Variants in WWC1 observed in about 807,000 individuals in gnomAD.
WWC1 encodes the protein WW and C2 domain containing 1.
WWC1 carries 55 observed loss-of-function variants against 138.4 expected under a neutral mutation model. That is an observed-to-expected ratio of 0.40 (90% CI 0.32 to 0.50). WWC1 has a LOEUF of 0.50. WWC1 is among the 20% of genes least tolerant of loss of function. WWC1 has a pLI of 0.72. For missense variants in WWC1, 1,226 were observed against 1,420.4 expected (o/e 0.86, Z 2.20); for synonymous variants, 524 against 564.9 (o/e 0.93, Z 1.03).
At chr5:168,435,447 G>A (rs1187041638) in intron 15 of WWC1, among the ~76,000 whole-genome samples, 1 of 152,120 alleles carries the variant, frequency 6.6e-6, no homozygotes, top group Admixed American at 6.5e-5. Flanking sequence ...ATCTTGCTTT[G>A]TTGCCCAGGC....
chr5:168,431,476 G>A, intron 15 of WWC1, 32 bp downstream of exon 15: 1 of 1,525,636 alleles, frequency 6.6e-7, no homozygotes. Flanking sequence ...CTGGCTGGCT[G>A]GCTGGCTGGC....
intron 13 of WWC1, among the ~76,000 whole-genome samples, chr5:168,429,617 G>C (rs551851949): frequency 3.1e-4 from 47 of 152,102 alleles, no homozygotes; most frequent in Non-Finnish European, 6.2e-4. Context: ...AATTTCACCC[G>C]CATTTATGGG....
intron 15 of WWC1, among the ~76,000 whole-genome samples, chr5:168,436,954 C>T (rs1035999775): frequency 1.3e-5 from 2 of 152,218 alleles, no homozygotes; most frequent in Non-Finnish European, 2.9e-5. Flanking sequence ...GCATATGTCT[C>T]CACCTAGAGT....
chr5:168,440,249 A>G (rs1009839027), intron 15 of WWC1, among the ~76,000 whole-genome samples: 2 of 152,326 alleles, frequency 1.3e-5, no homozygotes, highest in South Asian at 2.1e-4. Flanking sequence ...CAAAACCACA[A>G]TGAGATACCA....
At chr5:168,384,310 A>G (rs2152818230) in intron 2 of WWC1, among the ~76,000 whole-genome samples, 1 of 152,352 alleles carries the variant, frequency 6.6e-6, no homozygotes, top group Non-Finnish European at 1.5e-5. Context: ...AACAGCACTT[A>G]TCATAGAATC....
At chr5:168,448,189 C>T (rs747359602) in intron 17 of WWC1, among the ~76,000 whole-genome samples, 1 of 152,160 alleles carries the variant, frequency 6.6e-6, no homozygotes, top group East Asian at 1.9e-4. Context: ...GCCCCCTCCC[C>T]CAAGACTGGA....
At position 168,406,226 on chromosome 5, in the gene WWC1, G is replaced by A; in HGVS notation, c.619G>A (p.Gly207Ser). 1 of 1,613,972 alleles carries A rather than the reference G, an allele frequency of 6.2e-7. No individual in the cohort carries two copies. Among genetic ancestry groups the A allele is most frequent in the Non-Finnish European group, 8.5e-7 (1 of 1,179,928 alleles). The change falls in exon 6 of 23, where the codon GGC (glycine) becomes AGC (serine). Residue 207 changes from glycine to serine, a missense_variant. Transcript: ENST00000265293. Reference protein sequence around the residue: ...KIDKKMSDAQGSYKLDEAQAV... With the variant: ...KIDKKMSDAQSSYKLDEAQAV... ...CGATAAGAAAATGTCTGATGCTCAGGGCAGCTACAAACTGGATGAAGCTCA... is the reference window on the plus strand; with the variant it reads ...CGATAAGAAAATGTCTGATGCTCAGAGCAGCTACAAACTGGATGAAGCTCA...
intron 3 of WWC1, among the ~76,000 whole-genome samples, chr5:168,385,675 G>A (rs1777989613): frequency 6.6e-6 from 1 of 152,050 alleles, no homozygotes; most frequent in South Asian, 2.1e-4. Context: ...AAGCTTTCAG[G>A]GACTAGGGGA....
chr5:168,376,691 C>CA (rs34061163), intron 2 of WWC1, among the ~76,000 whole-genome samples: 24 of 149,680 alleles, frequency 1.6e-4, no homozygotes, highest in East Asian at 5.9e-4. Context: ...TAGCCACACA[C>CA]AAAAAAAAAA....
At chr5:168,311,527 G>A (rs969711827) in intron 1 of WWC1, among the ~76,000 whole-genome samples, 1 of 152,146 alleles carries the variant, frequency 6.6e-6, no homozygotes, top group Non-Finnish European at 1.5e-5. Flanking sequence ...CCCTCGGCAA[G>A]CTGCTTAATC....
At position 168,424,038 on chromosome 5, in the gene WWC1, C is replaced by T. The variant is rs1781328822; in HGVS notation, c.1780C>T (p.Pro594Ser). The change falls in exon 11 of 23, where the codon CCA (proline) becomes TCA (serine). Residue 594 changes from proline to serine, a missense_variant. Physicochemically the swap from Pro to Ser is moderately conservative, Grantham distance 74 (BLOSUM62 -1). Around this residue, in one of 3 missense-constraint regions of WWC1, gnomAD observed 1,016 missense variants for 1,153.9 expected, o/e 0.88. Coordinates refer to ENST00000265293, the MANE Select transcript of WWC1 (RefSeq NM_015238.3). Reference sequence around the variant, plus strand: ...CCAGGAAAGATACCGGCTGGAGGAACCAGGAACGGAGGGCAAGCAGCTGGG... The same window carrying T: ...CCAGGAAAGATACCGGCTGGAGGAATCAGGAACGGAGGGCAAGCAGCTGGG... ...SAQERYRLEE[P>S]GTEGKQLGQA... 1.2e-6 allele frequency: 2 copies of T among 1,608,856 alleles called. No individual in the cohort carries two copies. The highest frequency in any genetic ancestry group is 1.7e-6 in the Non-Finnish European group (2 of 1,177,454).
chr5:168,371,573 A>G (rs376220622), intron 2 of WWC1, 40 bp downstream of exon 2: 8 of 1,484,556 alleles, frequency 5.4e-6, no homozygotes, highest in Admixed American at 3.4e-5. Flanking sequence ...TGCCCTCTTC[A>G]TCCCTCCACC....
At chr5:168,418,968 T>G (rs1029302353) in intron 9 of WWC1, among the ~76,000 whole-genome samples, 2 of 152,158 alleles carry the variant, frequency 1.3e-5, no homozygotes, top group Non-Finnish European at 2.9e-5. Flanking sequence ...CCAAGAACCA[T>G]GCCAAGGCCA....
intron 14 of WWC1, among the ~76,000 whole-genome samples, chr5:168,430,979 C>T (rs1300906706): frequency 6.6e-6 from 1 of 152,202 alleles, no homozygotes; most frequent in Non-Finnish European, 1.5e-5. Context: ...GGCTGAATAG[C>T]CTCCTCCATA....
intron 1 of WWC1, among the ~76,000 whole-genome samples, chr5:168,366,935 T>C (rs1487756286): frequency 1.8e-4 from 26 of 148,522 alleles, no homozygotes; most frequent in Admixed American, 8.8e-4. Context: ...GTAGCTGGGA[T>C]TACAAGTGCC....
At chr5:168,309,714 C>T (rs980283287) in intron 1 of WWC1, among the ~76,000 whole-genome samples, 8 of 152,220 alleles carry the variant, frequency 5.3e-5, no homozygotes, top group African/African-American at 1.9e-4. Context: ...AAAATAGACA[C>T]CTCTCCCTCT....
At chr5:168,340,664 CTTCATTGCTT>C (rs1285947205) in intron 1 of WWC1, among the ~76,000 whole-genome samples, 2 of 152,220 alleles carry the variant, frequency 1.3e-5, no homozygotes, top group Non-Finnish European at 2.9e-5. Flanking sequence ...TGTAGCAGTA[CTTCATTGCTT>C]TTCATTGCCA....
intron 1 of WWC1, among the ~76,000 whole-genome samples, chr5:168,326,419 G>T (rs1409227469): frequency 1.3e-5 from 2 of 151,994 alleles, no homozygotes; most frequent in African/African-American, 4.8e-5. Flanking sequence ...GTTTCTCCAT[G>T]TTGGTCAGGC....
Position 168,423,916 on chromosome 5 carries a change from A to AC in WWC1, c.1663dup (p.Leu555ProfsTer5). On this transcript the variant is annotated frameshift_variant, in exon 11 of 23. Coordinates refer to ENST00000265293, the MANE Select transcript of WWC1 (RefSeq NM_015238.3). LOFTEE classifies it high-confidence loss of function. ...CCACCCTGTTCCCCTCTCATGGCTG[A>AC]CCCCCTCCTGGCTGGTGATGCCTTC... 1 of 1,613,002 alleles carries AC rather than the reference A, an allele frequency of 6.2e-7. No homozygotes were observed. Among genetic ancestry groups the AC allele is most frequent in the Non-Finnish European group, 8.5e-7 (1 of 1,179,808 alleles).
Sources: gnomAD v4.1 joint callset for allele counts (sites outside exome capture counted in the v4.1 genomes callset) on GRCh38, gnomAD v4.1.1 for gene constraint, gnomAD v4.1.1 regional missense constraint, MANE v1.5 for transcripts, NCBI Gene and HGNC (gene_info 2026-07-23, HGNC 2026-07-21) for gene names.